The following MACROD2 variants were observed in gnomAD, a reference collection of about 807,000 sequenced individuals.
MACROD2 encodes mono-ADP ribosylhydrolase 2.
A neutral mutation model predicts 70.4 loss-of-function variants in MACROD2; 36 were observed. That is an observed-to-expected ratio of 0.51 (90% CI 0.39 to 0.68). MACROD2 has a LOEUF of 0.68. Among genes scored for constraint, MACROD2 ranks in the 30% least tolerant of loss-of-function variants. The pLI, the probability that MACROD2 is intolerant of heterozygous loss-of-function variation, is 0.00. For synonymous variants in MACROD2, 172 were observed against 178.8 expected, an observed-to-expected ratio of 0.96 and a Z score of 0.30; for missense variants, 496 against 538.4, an observed-to-expected ratio of 0.92 and a Z score of 0.78.
At chr20:14,289,787 C>CCCA (rs2082371304) in intron 3 of MACROD2, among the ~76,000 whole-genome samples, 1 of 152,222 alleles carries the variant, frequency 6.6e-6, no homozygotes, top group African/African-American at 2.4e-5. Context: ...AGTGATCTAC[C>CCCA]AGCCTTGCCT....
intron 7 of MACROD2, among the ~76,000 whole-genome samples, chr20:15,460,812 T>C (rs1384002437): frequency 1.3e-5 from 2 of 151,798 alleles, no homozygotes; most frequent in African/African-American, 4.8e-5. Context: ...GACATTTGTG[T>C]ATGATTGGTG....
chr20:15,490,155 CTTCCTTCCTTCCTCCT>C (rs1382473128), intron 7 of MACROD2, among the ~76,000 whole-genome samples: 1 of 150,906 alleles, frequency 6.6e-6, no homozygotes, highest in Non-Finnish European at 1.5e-5. Context: ...TCCTTCCTTC[CTTCCTTCCTTCCTCCT>C]TTCCTTCCTT....
chr20:14,840,955 C>T (rs1034701950), intron 5 of MACROD2, among the ~76,000 whole-genome samples: 1 of 152,074 alleles, frequency 6.6e-6, no homozygotes. Flanking sequence ...TAATACTTAA[C>T]TTTTACTGTA....
chr20:15,754,494 A>G (rs6034281), intron 8 of MACROD2, among the ~76,000 whole-genome samples: 32,647 of 151,818 alleles, frequency 0.22, 4,959 homozygotes, highest in African/African-American at 0.43. Flanking sequence ...GTGGTGACCC[A>G]TGCTACTCGG....
At chr20:14,134,001 C>T (rs2148701283) in intron 3 of MACROD2, among the ~76,000 whole-genome samples, 1 of 152,354 alleles carries the variant, frequency 6.6e-6, no homozygotes, top group East Asian at 1.9e-4. Context: ...CTCCAGAGTT[C>T]CCTGCGGGAT....
intron 2 of MACROD2, among the ~76,000 whole-genome samples, chr20:14,066,071 C>G (rs1003280475): frequency 3.3e-5 from 5 of 151,972 alleles, no homozygotes; most frequent in Admixed American, 2.0e-4. Context: ...CTAATTTAGG[C>G]TTTGTTTCCT....
chr20:16,005,305 T>A (rs1006121524), intron 15 of MACROD2, among the ~76,000 whole-genome samples: 1 of 152,162 alleles, frequency 6.6e-6, no homozygotes. Flanking sequence ...TAACATTTCC[T>A]CCGTTGAATT....
chr20:14,276,100 C>G (rs2082252495), intron 3 of MACROD2, among the ~76,000 whole-genome samples: 1 of 151,972 alleles, frequency 6.6e-6, no homozygotes, highest in South Asian at 2.1e-4. Flanking sequence ...CTAGAAATAC[C>G]ATTTGACCCA....
intron 5 of MACROD2, among the ~76,000 whole-genome samples, chr20:15,156,086 T>C (rs1330883711): frequency 6.6e-6 from 1 of 152,172 alleles, no homozygotes; most frequent in Non-Finnish European, 1.5e-5. Flanking sequence ...TGCAATAAGG[T>C]CCAAGTTGTT....
chr20:14,709,074 A>G (rs535502464), intron 5 of MACROD2, among the ~76,000 whole-genome samples: 12 of 152,152 alleles, frequency 7.9e-5, no homozygotes, highest in Non-Finnish European at 1.6e-4. Context: ...ATACTGAGCA[A>G]ACTTCCTGCC....
chr20:15,048,175 C>T (rs1472416449), intron 5 of MACROD2, among the ~76,000 whole-genome samples: 1 of 151,320 alleles, frequency 6.6e-6, no homozygotes, highest in Non-Finnish European at 1.5e-5. Flanking sequence ...GCTCAGGAGA[C>T]TGAAGCATGA....
In MACROD2 at chr20:16,004,850, G is replaced by A. The variant is rs112002394; in HGVS notation, c.1153+17692G>A. Among the ~76,000 whole-genome samples the A allele has an allele frequency of 6.9e-3, 1,055 of 152,290 alleles. 12 individuals carry two copies. The highest frequency in any genetic ancestry group is 0.023 in the African/African-American group (963 of 41,556). On this transcript the variant is annotated intron_variant, in intron 15 of 17. Coordinates refer to ENST00000684519, the MANE Select transcript of MACROD2 (RefSeq NM_001351661.2). Reference sequence around the variant, plus strand: ...ACAAGAGCGCCTGTCTGGCATCAGCGGGGCAGTTATACTTTTTACAGACAG... The same window carrying A: ...ACAAGAGCGCCTGTCTGGCATCAGCAGGGCAGTTATACTTTTTACAGACAG...
chr20:15,057,566 C>T (rs970748496), intron 5 of MACROD2, among the ~76,000 whole-genome samples: 1 of 152,190 alleles, frequency 6.6e-6, no homozygotes, highest in African/African-American at 2.4e-5. Flanking sequence ...CAAATCCTTT[C>T]CCATCCCACC....
chr20:14,304,326 G>C (rs1341315796), intron 3 of MACROD2, among the ~76,000 whole-genome samples: 1 of 152,124 alleles, frequency 6.6e-6, no homozygotes, highest in Non-Finnish European at 1.5e-5. Context: ...CCCTTGATGT[G>C]TGGATTATAC....
intron 4 of MACROD2, among the ~76,000 whole-genome samples, chr20:14,652,094 A>G (rs1985708036): frequency 6.6e-6 from 1 of 152,214 alleles, no homozygotes; most frequent in Non-Finnish European, 1.5e-5. Context: ...AGGTCATCCC[A>G]TCAATATTTT....
intron 3 of MACROD2, among the ~76,000 whole-genome samples, chr20:14,366,622 C>G (rs1056978889): frequency 6.6e-6 from 1 of 152,128 alleles, no homozygotes; most frequent in African/African-American, 2.4e-5. Flanking sequence ...TCCTTGGCCT[C>G]CGAAAGTGCT....
intron 7 of MACROD2, among the ~76,000 whole-genome samples, chr20:15,494,486 C>T (rs1466733306): frequency 6.6e-6 from 1 of 152,138 alleles, no homozygotes; most frequent in Admixed American, 6.5e-5. Context: ...TGGAATGCAA[C>T]ACTACAATGA....
At chr20:14,215,035 T>C (rs2081603783) in intron 3 of MACROD2, among the ~76,000 whole-genome samples, 1 of 150,552 alleles carries the variant, frequency 6.6e-6, no homozygotes, top group African/African-American at 2.4e-5. Context: ...TGTGTGTACA[T>C]ATATTCCATC....
chr20:15,814,836 T>A (rs1265993569), intron 8 of MACROD2, among the ~76,000 whole-genome samples: 1 of 152,234 alleles, frequency 6.6e-6, no homozygotes, highest in East Asian at 1.9e-4. Context: ...AGTGCAAAGC[T>A]TTTGCTACAG....
Sources: gnomAD v4.1 joint callset for allele counts (sites outside exome capture counted in the v4.1 genomes callset) on GRCh38, gnomAD v4.1.1 for gene constraint, MANE v1.5 for transcripts, NCBI Gene and HGNC (gene_info 2026-07-23, HGNC 2026-07-21) for gene names.